Variants in ANGPT2 observed in about 807,000 individuals in gnomAD.
The protein encoded by ANGPT2 is angiopoietin 2, also known as angiopoietin-2.
ANGPT2 carries 28 observed loss-of-function variants against 62.9 expected under a neutral mutation model. The observed-to-expected ratio is 0.44, with a 90% CI of 0.33 to 0.61. The LOEUF is 0.61. Ranked by LOEUF, ANGPT2 falls within the 20% of genes least tolerant of loss-of-function variation. The pLI is 0.03. For missense variants in ANGPT2, 727 were observed against 594.9 expected (o/e 1.22, Z -2.31); for synonymous variants, 284 against 207.8 (o/e 1.37, Z -3.15).
chr8:6,512,511 G>C (rs566853535), intron 7 of ANGPT2, among the ~76,000 whole-genome samples: 1 of 152,302 alleles, frequency 6.6e-6, no homozygotes, highest in Non-Finnish European at 1.5e-5. Context: ...TGTGCTCCAT[G>C]ATCACGAGGC....
In ANGPT2 at chr8:6,543,412, A is replaced by T. The variant is rs537600479; in HGVS notation, c.289-10925T>A. On this transcript the variant is annotated intron_variant, in intron 1 of 8. Transcript: ENST00000629816. ...TCTCTGTGCTTTCCTGGGTTAGAGT[A>T]AATGGATGCAAACACACATTTCCGT... Among the ~76,000 whole-genome samples the T allele has an allele frequency of 4.6e-5, 7 of 152,284 alleles. No individual in the cohort carries two copies. The South Asian group carries it at 1.5e-3, about 32-fold the overall frequency.
chr8:6,532,528 G>T, intron 1 of ANGPT2, 41 bp from the exon 2 acceptor site: 2 of 1,486,886 alleles, frequency 1.3e-6, no homozygotes, highest in South Asian at 1.4e-5. Flanking sequence ...TTAGTCAAAT[G>T]ACCGGAAACC....
chr8:6,511,422 A>C (rs1815070554), intron 7 of ANGPT2, among the ~76,000 whole-genome samples: 1 of 152,152 alleles, frequency 6.6e-6, no homozygotes, highest in Admixed American at 6.5e-5. Context: ...AAAAGTGATG[A>C]ATTTTTAAGA....
chr8:6,552,944 A>G (rs1231530533), intron 1 of ANGPT2, among the ~76,000 whole-genome samples: 1 of 152,154 alleles, frequency 6.6e-6, no homozygotes, highest in Non-Finnish European at 1.5e-5. Context: ...AGGGTTTGCC[A>G]GGGGTTAAGG....
In ANGPT2 at chr8:6,502,880, T is replaced by C. The variant is rs1365152555; in HGVS notation, c.*221A>G. 1 of 541,260 alleles carries C rather than the reference T, an allele frequency of 1.8e-6. No individual in the cohort carries two copies. Among genetic ancestry groups the C allele is most frequent in the African/African-American group, 1.9e-5 (1 of 52,594 alleles). 33.5% of individuals were successfully genotyped at this position (541,260 alleles called of 1,614,324 possible). A position where few individuals can be genotyped will look rare whatever the true frequency, so the allele number is the denominator to read the frequency against. The stretch of plus-strand genomic sequence containing the variant: ...ATCTTTGCATAGGTGTTCTGTCTAA[T>C]CACAATTATGGATGTTTAGGGTCTT... On this transcript the variant is annotated 3_prime_UTR_variant, in exon 9 of 9. Coordinates refer to ENST00000629816, the MANE Select transcript of ANGPT2 (RefSeq NM_001118887.2).
At chr8:6,542,747 C>T (rs978149005) in intron 1 of ANGPT2, among the ~76,000 whole-genome samples, 2 of 152,042 alleles carry the variant, frequency 1.3e-5, no homozygotes, top group African/African-American at 4.8e-5. Context: ...TGCCAAAATA[C>T]TGGGTGGAGC....
intron 3 of ANGPT2, among the ~76,000 whole-genome samples, chr8:6,522,773 CAA>C (rs199503821): frequency 7.7e-6 from 1 of 130,380 alleles, no homozygotes. Flanking sequence ...GACATCGTCT[CAA>C]AAAAAAAAAA....
intron 2 of ANGPT2, 21 bp from the exon 3 acceptor site, chr8:6,527,697 T>C (rs752907984): frequency 6.3e-7 from 1 of 1,576,312 alleles, no homozygotes; most frequent in Non-Finnish European, 8.6e-7. Context: ...CAAAATGAAG[T>C]TCCTATTAAT....
At chr8:6,562,539 C>CTTCA (rs1233820371) in intron 1 of ANGPT2, 108 bp downstream of exon 1, 2 of 325,922 alleles carry the variant, frequency 6.1e-6, no homozygotes, top group East Asian at 5.3e-5. Context: ...CTCTAATCCT[C>CTTCA]TTCATCCTCC....
chr8:6,531,270 C>G (rs1476665546), intron 2 of ANGPT2, among the ~76,000 whole-genome samples: 1 of 150,758 alleles, frequency 6.6e-6, no homozygotes, highest in African/African-American at 2.4e-5. Flanking sequence ...TGTTATTTTA[C>G]TAGTTTCTTT....
intron 8 of ANGPT2, among the ~76,000 whole-genome samples, chr8:6,503,903 C>G (rs1463411463): frequency 6.6e-6 from 1 of 152,182 alleles, no homozygotes; most frequent in East Asian, 1.9e-4. Context: ...CAGGAGCATG[C>G]TGGGGTTTGT....
At chr8:6,553,154 G>A (rs771442554) in intron 1 of ANGPT2, among the ~76,000 whole-genome samples, 1 of 152,238 alleles carries the variant, frequency 6.6e-6, no homozygotes, top group East Asian at 1.9e-4. Context: ...GCACCACTCT[G>A]GTGCAGGATG....
At chr8:6,526,599 G>A (rs1007088831) in intron 3 of ANGPT2, among the ~76,000 whole-genome samples, 1 of 152,070 alleles carries the variant, frequency 6.6e-6, no homozygotes. Flanking sequence ...AATCAATAAT[G>A]ACTTAAACTT....
In ANGPT2 at chr8:6,536,513, A is replaced by AT. The variant is rs144245007; in HGVS notation, c.289-4027dup. On this transcript the variant is annotated intron_variant, in intron 1 of 8. Transcript: ENST00000629816. ...ACCACCCACCCCTCAGTGGAGGGCC[A>AT]TTTTTACCACCAGAAAAGCCCAGAA... Among the ~76,000 whole-genome samples the AT allele has an allele frequency of 6.5e-3, 989 of 152,268 alleles. 13 individuals are homozygous for AT. Among genetic ancestry groups the AT allele is most frequent in the African/African-American group, 0.023 (939 of 41,562 alleles).
intron 1 of ANGPT2, among the ~76,000 whole-genome samples, chr8:6,556,086 G>C (rs932109258): frequency 6.6e-6 from 1 of 152,106 alleles, no homozygotes; most frequent in Non-Finnish European, 1.5e-5. Flanking sequence ...CCCAGTGGGC[G>C]AGAATTGCTG....
intron 3 of ANGPT2, among the ~76,000 whole-genome samples, chr8:6,523,165 C>G (rs1817685154): frequency 1.3e-5 from 2 of 151,984 alleles, no homozygotes; most frequent in South Asian, 2.1e-4. Flanking sequence ...GTCAGGCTAA[C>G]TTTTTGTATT....
Position 6,531,351 on chromosome 8 carries a change from C to T in ANGPT2, c.444+981G>A, listed in dbSNP as rs1233552333. On this transcript the variant is annotated intron_variant, in intron 2 of 8. Transcript: ENST00000629816. ...TTGCCCAGGCTGGAGTGCAGTGGCA[C>T]GATCTCAACTCACTGCAGCCTCTGC... Among the ~76,000 whole-genome samples the T allele has an allele frequency of 6.0e-5, 9 of 151,050 alleles. No homozygotes were observed. In the South Asian group the frequency reaches 1.0e-3, roughly 18 times the overall value.
intron 1 of ANGPT2, among the ~76,000 whole-genome samples, chr8:6,536,996 C>A (rs1008184288): frequency 1.3e-5 from 2 of 149,494 alleles, no homozygotes; most frequent in Admixed American, 1.3e-4. Context: ...AAAAACCAAC[C>A]CAGTAAATAA....
At chr8:6,526,121 C>G (rs1818277143) in intron 3 of ANGPT2, among the ~76,000 whole-genome samples, 1 of 151,936 alleles carries the variant, frequency 6.6e-6, no homozygotes, top group Non-Finnish European at 1.5e-5. Flanking sequence ...CTAAGTAAGA[C>G]TATTTTAAGA....
Sources: allele counts gnomAD v4.1 joint callset (sites outside exome capture counted in the v4.1 genomes callset), GRCh38; gene constraint gnomAD v4.1.1; transcripts MANE v1.5; gene names NCBI Gene and HGNC (gene_info 2026-07-23, HGNC 2026-07-21).